Variants in GLYR1 observed in about 807,000 individuals in gnomAD.
GLYR1 encodes cytokine-like nuclear factor N-PAC.
A neutral mutation model predicts 72.7 loss-of-function variants in GLYR1; 21 were observed. The ratio of observed to expected loss-of-function variants is 0.29; its 90% CI spans 0.20 to 0.42. GLYR1 has a LOEUF of 0.42. Ranked by LOEUF, GLYR1 falls within the 10% of genes least tolerant of loss-of-function variation. The probability of loss-of-function intolerance (pLI) is 1.00; values close to 1 mark genes in which losing one functional copy is unlikely to be tolerated. For missense variants in GLYR1, 594 were observed against 712.1 expected (o/e 0.83, Z 1.89); for synonymous variants, 392 against 270.2 (o/e 1.45, Z -4.42).
chr16:4,822,536 A>G (rs911903917), intron 7 of GLYR1, among the ~76,000 whole-genome samples: 2 of 152,068 alleles, frequency 1.3e-5, no homozygotes, highest in African/African-American at 4.8e-5. Context: ...GATTACAGGC[A>G]CGCGCCACCA....
At chr16:4,821,763 T>A (rs2084040759) in intron 7 of GLYR1, 166 bp from the exon 8 acceptor site, 4 of 647,818 alleles carry the variant, frequency 6.2e-6, no homozygotes, top group African/African-American at 1.8e-5. Flanking sequence ...ACACATTACC[T>A]CATTCAAGTC....
intron 5 of GLYR1, among the ~76,000 whole-genome samples, chr16:4,830,040 G>C (rs1478481214): frequency 2.0e-5 from 3 of 151,990 alleles, no homozygotes; most frequent in Non-Finnish European, 4.4e-5. Flanking sequence ...CTGGGCTCAG[G>C]GGATCCTCCT....
At chr16:4,810,877 G>T (rs1435809701) in intron 15 of GLYR1, among the ~76,000 whole-genome samples, 1 of 151,768 alleles carries the variant, frequency 6.6e-6, no homozygotes, top group Non-Finnish European at 1.5e-5. Context: ...GGCAGAGGCG[G>T]GTGGATCACC....
At chr16:4,808,711 G>A (rs981348288) in intron 15 of GLYR1, among the ~76,000 whole-genome samples, 2 of 151,898 alleles carry the variant, frequency 1.3e-5, no homozygotes, top group African/African-American at 2.4e-5. Context: ...TAATAATATG[G>A]TAAAGACAAA....
rs539167092 is a variant in GLYR1, at chr16:4,837,409, C to T, written c.156-4497G>A. Among the ~76,000 whole-genome samples the T allele has an allele frequency of 1.3e-4, 20 of 149,926 alleles. 1 individual carries two copies. In the South Asian group the frequency reaches 2.1e-3, roughly 16 times the overall value. ...TCGTGCTACTGCACTCCAGCATGGG[C>T]GACAGAGCAAGACTTGGTCTTTAAA... On this transcript the variant is annotated intron_variant, in intron 3 of 15. Transcript: ENST00000321919.
chr16:4,831,935 A>G (rs777607448), intron 5 of GLYR1, 44 bp downstream of exon 5: 4 of 1,595,530 alleles, frequency 2.5e-6, no homozygotes, highest in Non-Finnish European at 3.4e-6. Context: ...ACCTTGTACT[A>G]AAAGGACATC....
intron 5 of GLYR1, 74 bp downstream of exon 5, chr16:4,831,905 A>G: frequency 1.3e-6 from 2 of 1,544,028 alleles, no homozygotes; most frequent in East Asian, 2.3e-5. Flanking sequence ...CTACATAAGC[A>G]TACTGTAGAG....
intron 3 of GLYR1, among the ~76,000 whole-genome samples, chr16:4,844,132 A>G (rs990233814): frequency 5.3e-5 from 8 of 151,802 alleles, no homozygotes; most frequent in Non-Finnish European, 8.8e-5. Flanking sequence ...AAAAAAAAAA[A>G]AATCAAACCA....
intron 3 of GLYR1, among the ~76,000 whole-genome samples, chr16:4,835,647 A>G (rs1185009876): frequency 1.3e-5 from 2 of 152,198 alleles, no homozygotes; most frequent in African/African-American, 2.4e-5. Context: ...CCTGGCCAAC[A>G]TGGTGAAATC....
chr16:4,819,576 G>A (rs1385417478), intron 9 of GLYR1, among the ~76,000 whole-genome samples: 1 of 152,210 alleles, frequency 6.6e-6, no homozygotes. Flanking sequence ...CTCCCAAAGT[G>A]TGGGGATTAC....
chr16:4,827,992 C>T (rs1239868861), intron 5 of GLYR1, among the ~76,000 whole-genome samples: 1 of 152,002 alleles, frequency 6.6e-6, no homozygotes, highest in East Asian at 1.9e-4. Context: ...GACATTTTCC[C>T]AACAGCATGT....
chr16:4,812,494 GA>G (rs1419033464), intron 12 of GLYR1, among the ~76,000 whole-genome samples: 9 of 151,610 alleles, frequency 5.9e-5, no homozygotes, highest in Non-Finnish European at 1.2e-4. Context: ...AACTGACTTG[GA>G]ATTTTTTTTT....
chr16:4,818,896 CT>C (rs1207670941), intron 9 of GLYR1, among the ~76,000 whole-genome samples: 1 of 152,140 alleles, frequency 6.6e-6, no homozygotes, highest in African/African-American at 2.4e-5. Context: ...TCCACAGGTC[CT>C]TCCCAATCCT....
intron 3 of GLYR1, among the ~76,000 whole-genome samples, chr16:4,835,730 C>T (rs1245250417): frequency 6.6e-6 from 1 of 152,132 alleles, no homozygotes; most frequent in Admixed American, 6.5e-5. Context: ...ACTCGGAAGG[C>T]TGAGACAGGA....
chr16:4,836,811 TG>T (rs1168357198), intron 3 of GLYR1, among the ~76,000 whole-genome samples: 2 of 146,094 alleles, frequency 1.4e-5, no homozygotes, highest in Non-Finnish European at 3.0e-5. Context: ...CATATTATAT[TG>T]GAAAAAAAAA....
At chr16:4,844,460 C>A (rs942172132) in intron 3 of GLYR1, among the ~76,000 whole-genome samples, 1 of 152,206 alleles carries the variant, frequency 6.6e-6, no homozygotes, top group African/African-American at 2.4e-5. Flanking sequence ...TAAAAGAGAA[C>A]TGAACATGGC....
At chr16:4,843,074 T>C (rs1303716002) in intron 3 of GLYR1, among the ~76,000 whole-genome samples, 1 of 152,222 alleles carries the variant, frequency 6.6e-6, no homozygotes, top group Non-Finnish European at 1.5e-5. Context: ...GTGGGAACTA[T>C]AATACTTGCT....
In GLYR1 at chr16:4,813,734, T is replaced by C; in HGVS notation, c.1119+3A>G. The C allele has an allele frequency of 6.3e-7, 1 of 1,593,538 alleles. No individual in the cohort carries two copies. Reference sequence around the variant, plus strand: ...GGAGAGCCAGCCCAAGGAAGGCTGCTACCTGGGCCAGCTCAGTGACGGTGT... The same window carrying C: ...GGAGAGCCAGCCCAAGGAAGGCTGCCACCTGGGCCAGCTCAGTGACGGTGT... On this transcript the variant is annotated splice_donor_region_variant and intron_variant, in intron 12 of 15. Transcript: ENST00000321919.
intron 15 of GLYR1, 146 bp from the exon 16 acceptor site, chr16:4,805,456 T>G: frequency 1.4e-6 from 1 of 693,892 alleles, no homozygotes; most frequent in Non-Finnish European, 2.6e-6. Flanking sequence ...TGACCTTGCA[T>G]GAAGCACCTC....
Sources: allele counts gnomAD v4.1 joint callset (sites outside exome capture counted in the v4.1 genomes callset), GRCh38; gene constraint gnomAD v4.1.1; transcripts MANE v1.5; gene names NCBI Gene and HGNC (gene_info 2026-07-23, HGNC 2026-07-21).